ABCB1: variants seen among roughly 807,000 people sequenced by gnomAD.
ABCB1 encodes ATP binding cassette subfamily B member 1.
Under a neutral mutation model 142.0 loss-of-function variants are expected in ABCB1, and 69 were observed. The observed-to-expected ratio is 0.49, with a 90% CI of 0.40 to 0.59. The LOEUF (loss-of-function observed/expected upper bound fraction) is 0.59, where lower values mean the gene tolerates loss of function less well. ABCB1 is among the 20% of genes least tolerant of loss of function. The pLI, the probability that ABCB1 is intolerant of heterozygous loss-of-function variation, is 0.00. For synonymous variants in ABCB1, 532 were observed against 539.2 expected (o/e 0.99, Z 0.18); for missense variants, 1,326 against 1,554.7 (o/e 0.85, Z 2.47).
chr7:87,710,748 T>C, intron 1 of ABCB1: 1 of 629,692 alleles, frequency 1.6e-6, no homozygotes, highest in South Asian at 2.7e-5. Context: ...ATTTCTAAAA[T>C]CCTCAACTGT....
intron 1 of ABCB1, among the ~76,000 whole-genome samples, chr7:87,672,583 A>G (rs771375788): frequency 2.0e-5 from 3 of 152,148 alleles, no homozygotes; most frequent in African/African-American, 4.8e-5. Context: ...CAGAGCTGCA[A>G]CTTCTTTTGC....
At chr7:87,516,437 A>G in intron 24 of ABCB1, 72 bp downstream of exon 24, 2 of 1,583,808 alleles carry the variant, frequency 1.3e-6, no homozygotes, top group Non-Finnish European at 8.7e-7. Context: ...TACAAATTTT[A>G]TTAAGTTTCC....
intron 4 of ABCB1, among the ~76,000 whole-genome samples, chr7:87,582,303 C>T (rs895505235): frequency 2.6e-5 from 4 of 152,222 alleles, no homozygotes; most frequent in African/African-American, 7.2e-5. Flanking sequence ...TTGGTTATCA[C>T]CTCCTCTTGG....
intron 1 of ABCB1, among the ~76,000 whole-genome samples, chr7:87,642,687 CCAT>C (rs1351971328): frequency 6.6e-6 from 1 of 151,978 alleles, no homozygotes; most frequent in Non-Finnish European, 1.5e-5. Flanking sequence ...AAGCTGGAAA[CCAT>C]CATTCTCAGC....
chr7:87,596,389 T>C (rs551989236), intron 2 of ABCB1, among the ~76,000 whole-genome samples: 1 of 152,008 alleles, frequency 6.6e-6, no homozygotes, highest in Admixed American at 6.5e-5. Context: ...ATGTCTGGAG[T>C]CCTAAATGGA....
intron 26 of ABCB1, among the ~76,000 whole-genome samples, chr7:87,509,065 C>T (rs1814884236): frequency 6.6e-6 from 1 of 152,198 alleles, no homozygotes; most frequent in African/African-American, 2.4e-5. Flanking sequence ...CGAACACTTT[C>T]ATCCCTTCCT....
At chr7:87,691,866 G>A (rs2130648724) in intron 1 of ABCB1, among the ~76,000 whole-genome samples, 1 of 152,208 alleles carries the variant, frequency 6.6e-6, no homozygotes, top group Admixed American at 6.5e-5. Flanking sequence ...ACCGATTGCT[G>A]GGTCTTGGCA....
intron 1 of ABCB1, among the ~76,000 whole-genome samples, chr7:87,628,025 G>T (rs1219086160): frequency 6.6e-6 from 1 of 152,246 alleles, no homozygotes; most frequent in Non-Finnish European, 1.5e-5. Context: ...TAGGCCCAAG[G>T]TCGGGTGTGG....
intron 26 of ABCB1, among the ~76,000 whole-genome samples, chr7:87,508,142 T>G (rs28746510): frequency 0.024 from 3,677 of 152,072 alleles, 140 homozygotes; most frequent in African/African-American, 0.083. Flanking sequence ...AAAATAAAGG[T>G]TGGAAAAAAT....
chr7:87,572,383 G>A (rs1031319235), intron 4 of ABCB1, among the ~76,000 whole-genome samples: 6 of 152,080 alleles, frequency 3.9e-5, no homozygotes, highest in African/African-American at 1.4e-4. Context: ...TTTCTAAATA[G>A]CTCAAAAAGT....
intron 7 of ABCB1, among the ~76,000 whole-genome samples, chr7:87,562,861 G>A (rs1049721476): frequency 3.9e-5 from 6 of 151,968 alleles, no homozygotes; most frequent in Non-Finnish European, 5.9e-5. Flanking sequence ...GGACTTTGGG[G>A]TGACAAGTGG....
chr7:87,507,295 T>C (rs1814790675), intron 26 of ABCB1, among the ~76,000 whole-genome samples: 1 of 152,210 alleles, frequency 6.6e-6, no homozygotes, highest in African/African-American at 2.4e-5. Context: ...TTTAAAAAGA[T>C]AGATAATAGT....
intron 2 of ABCB1, among the ~76,000 whole-genome samples, chr7:87,596,583 G>A (rs1394732794): frequency 1.3e-5 from 2 of 151,946 alleles, no homozygotes; most frequent in Non-Finnish European, 2.9e-5. Context: ...CAAACCAACC[G>A]TAACAAATCT....
chr7:87,619,663 A>T (rs1217876282), intron 1 of ABCB1, among the ~76,000 whole-genome samples: 1 of 151,958 alleles, frequency 6.6e-6, no homozygotes, highest in African/African-American at 2.4e-5. Context: ...TGAGTTGAAG[A>T]TTGCTGCTGT....
At chr7:87,635,145 T>C (rs1454292028) in intron 1 of ABCB1, among the ~76,000 whole-genome samples, 1 of 152,198 alleles carries the variant, frequency 6.6e-6, no homozygotes. Flanking sequence ...TTACCCACTC[T>C]TCTATTCCCT....
intron 1 of ABCB1, among the ~76,000 whole-genome samples, chr7:87,676,154 G>A (rs532059379): frequency 4.5e-4 from 68 of 152,218 alleles, no homozygotes; most frequent in South Asian, 1.0e-3. Context: ...TTGAACCCAG[G>A]AGTTTGAGGC....
At chr7:87,610,863 T>C (rs1204247054) in intron 1 of ABCB1, among the ~76,000 whole-genome samples, 1 of 152,184 alleles carries the variant, frequency 6.6e-6, no homozygotes, top group East Asian at 1.9e-4. Flanking sequence ...CACTATTTAC[T>C]TTGCGTCAGA....
chr7:87,512,335 T>C (rs905962932), intron 25 of ABCB1, among the ~76,000 whole-genome samples: 1 of 152,166 alleles, frequency 6.6e-6, no homozygotes, highest in Non-Finnish European at 1.5e-5. Flanking sequence ...TCTTCAAATT[T>C]ACCAGTTCAG....
At chr7:87,610,020 C>T (rs1819793982) in intron 1 of ABCB1, among the ~76,000 whole-genome samples, 1 of 152,166 alleles carries the variant, frequency 6.6e-6, no homozygotes, top group East Asian at 1.9e-4. Context: ...ATCGCATGAC[C>T]TTTTCTTGAG....
Sources: gnomAD v4.1 joint callset for allele counts (sites outside exome capture counted in the v4.1 genomes callset) on GRCh38, gnomAD v4.1.1 for gene constraint, MANE v1.5 for transcripts, NCBI Gene and HGNC (gene_info 2026-07-23, HGNC 2026-07-21) for gene names.